Variants in DNAH17 observed in about 807,000 individuals in gnomAD.
The protein encoded by DNAH17 is axonemal beta dynein heavy chain 17.
Under a neutral mutation model 485.6 loss-of-function variants are expected in DNAH17, and 376 were observed. The ratio of observed to expected loss-of-function variants is 0.77; its 90% CI spans 0.71 to 0.84. The LOEUF is 0.84. Ranked by LOEUF, DNAH17 falls within the 40% of genes least tolerant of loss-of-function variation. The pLI, the probability that DNAH17 is intolerant of heterozygous loss-of-function variation, is 0.00. For synonymous variants in DNAH17, 3,031 were observed against 2,405.9 expected, an observed-to-expected ratio of 1.26 and a Z score of -7.60; for missense variants, 6,370 against 5,839.3, an observed-to-expected ratio of 1.09 and a Z score of -2.96.
chr17:78,527,972 T>C (rs968812438), intron 22 of DNAH17, among the ~76,000 whole-genome samples: 1 of 151,844 alleles, frequency 6.6e-6, no homozygotes, highest in Non-Finnish European at 1.5e-5. Context: ...AGAGATGGGA[T>C]TTTGCCATGT....
chr17:78,537,234 C>T (rs899246413), intron 19 of DNAH17, 65 bp downstream of exon 19: 13 of 1,487,732 alleles, frequency 8.7e-6, no homozygotes, highest in Admixed American at 4.3e-5. Context: ...CGAGTTAGGG[C>T]GGCAACACCA....
intron 32 of DNAH17, 85 bp from the exon 33 acceptor site, chr17:78,502,783 GGT>G: frequency 6.3e-7 from 1 of 1,588,268 alleles, no homozygotes; most frequent in Non-Finnish European, 8.6e-7. Flanking sequence ...AAGCTTAGAT[GGT>G]TTTCCAGGGG....
At chr17:78,427,896 G>A (rs1182833994) in intron 77 of DNAH17, among the ~76,000 whole-genome samples, 1 of 151,002 alleles carries the variant, frequency 6.6e-6, no homozygotes, top group African/African-American at 2.4e-5. Flanking sequence ...AACCTGGGAG[G>A]CGGAGGTTGC....
rs564737060 is a variant in DNAH17, at chr17:78,477,024, T to C, written c.7993-291A>G. Among the ~76,000 whole-genome samples, 24 of 152,226 alleles carry C rather than the reference T, an allele frequency of 1.6e-4. 1 individual carries two copies. The highest frequency in any genetic ancestry group is 1.5e-3 in the South Asian group (7 of 4,818). On this transcript the variant is annotated intron_variant, in intron 51 of 80. Coordinates refer to ENST00000389840, the MANE Select transcript of DNAH17 (RefSeq NM_173628.4). ...GTGGAGGAGGGACAAGGGAGGCTAA[T>C]TGCAAAGGAAAGCAGGTGACCGATG... is the stretch of plus-strand genomic sequence containing the variant.
Position 78,429,043 on chromosome 17 carries a change from C to A in DNAH17, c.12405+78G>T, listed in dbSNP as rs942435643. The A allele has an allele frequency of 8.0e-5, 119 of 1,487,670 alleles. 1 individual carries two copies. Among genetic ancestry groups the A allele is most frequent in the Admixed American group, 3.6e-4 (20 of 55,516 alleles). The allele number at this position is 1,487,670 out of a possible 1,614,324, so 92.2% of individuals were successfully genotyped here. ...GGGTTCTTGCTCAATTATTGACACTCCATTTGTGCTGGCAGGCTCTCACCG... is the reference window on the plus strand; with the variant it reads ...GGGTTCTTGCTCAATTATTGACACTACATTTGTGCTGGCAGGCTCTCACCG... On this transcript the variant is annotated intron_variant, in intron 76 of 80. Coordinates refer to ENST00000389840, the MANE Select transcript of DNAH17 (RefSeq NM_173628.4).
At chr17:78,567,456 C>G (rs1343796349) in intron 9 of DNAH17, among the ~76,000 whole-genome samples, 1 of 152,196 alleles carries the variant, frequency 6.6e-6, no homozygotes, top group Non-Finnish European at 1.5e-5. Context: ...TGACCCCAGA[C>G]TGGCCAAACC....
chr17:78,435,989 C>T (rs893207094), intron 74 of DNAH17, among the ~76,000 whole-genome samples: 3 of 152,150 alleles, frequency 2.0e-5, no homozygotes, highest in Non-Finnish European at 1.5e-5. Context: ...AAGGGTGTGT[C>T]CTTTAAAAGC....
rs555069943 is a variant in DNAH17 at position 78,505,557 on chromosome 17, C to T, written c.4804-112G>A. On this transcript the variant is annotated intron_variant, in intron 30 of 80. Transcript: ENST00000389840. ...CATCGTTCTTTTTGGAATATACTCC[C>T]CATCTTTGATCAACGTTGACTAAAC... 3.4e-5 allele frequency: 46 copies of T among 1,358,540 alleles called. No homozygotes were observed. The East Asian group carries it at 1.0e-3, about 31-fold the overall frequency. The allele number at this position is 1,358,540 out of a possible 1,614,324, so 84.2% of individuals were successfully genotyped here. A position where few individuals can be genotyped will look rare whatever the true frequency, so the allele number is the denominator to read the frequency against.
chr17:78,437,907 A>C lies in DNAH17; in HGVS notation c.11806-39T>G, dbSNP rs769347936. 6 of 1,514,680 alleles carry C rather than the reference A, an allele frequency of 4.0e-6. No individual in the cohort carries two copies. In the South Asian group the frequency reaches 7.1e-5, roughly 18 times the overall value. 93.8% of individuals were successfully genotyped at this position (1,514,680 alleles called of 1,614,324 possible). A position where few individuals can be genotyped will look rare whatever the true frequency, so the allele number is the denominator to read the frequency against. On this transcript the variant is annotated intron_variant, in intron 73 of 80. Coordinates refer to ENST00000389840, the MANE Select transcript of DNAH17 (RefSeq NM_173628.4). ...TAGAGGCTGGTTACACACTTTGCCC[A>C]GCTCCTGGCCCACGAGGAGAGACTG...
intron 27 of DNAH17, among the ~76,000 whole-genome samples, chr17:78,510,078 A>G (rs1234884833): frequency 6.6e-6 from 1 of 152,186 alleles, no homozygotes; most frequent in Non-Finnish European, 1.5e-5. Flanking sequence ...GCTACTTGGG[A>G]GGCTGAGGCA....
intron 73 of DNAH17, among the ~76,000 whole-genome samples, 158 bp from the exon 74 acceptor site, chr17:78,438,026 C>A (rs2086909125): frequency 2.6e-5 from 4 of 152,188 alleles, no homozygotes; most frequent in Admixed American, 1.3e-4. Context: ...CACCTGTCCA[C>A]CCTAACCAGG....
chr17:78,451,780 G>C, intron 65 of DNAH17, 107 bp from the exon 66 acceptor site: 4 of 925,832 alleles, frequency 4.3e-6, no homozygotes, highest in Non-Finnish European at 6.5e-6. Flanking sequence ...CCGCCACCTT[G>C]AACCCTCCCT....
Position 78,495,069 on chromosome 17 carries a change from C to T in DNAH17, c.5932G>A (p.Glu1978Lys), listed in dbSNP as rs774926185. ...RPCAMVVPDF[E>K]LICEIMLMAE... ...ATGAGCATGATCTCACATATCAGTTCGAAGTCGGGGACGACCATGGCACAG... is the reference window on the plus strand; with the variant it reads ...ATGAGCATGATCTCACATATCAGTTTGAAGTCGGGGACGACCATGGCACAG... Residue 1978 changes from glutamate (E) to lysine (K), a missense_variant, in exon 39 of 81, where the codon GAA becomes AAA. Glu to Lys is a moderately conservative substitution (Grantham distance 56). Transcript: ENST00000389840. The T allele has an allele frequency of 2.4e-5, 38 of 1,610,170 alleles. No individual in the cohort carries two copies. The East Asian group carries it at 4.0e-4, about 17-fold the overall frequency.
At chr17:78,504,299 A>G (rs1339617652) in intron 31 of DNAH17, among the ~76,000 whole-genome samples, 1 of 152,044 alleles carries the variant, frequency 6.6e-6, no homozygotes, top group African/African-American at 2.4e-5. Context: ...TCCCGACCTC[A>G]GATGATCCGC....
chr17:78,490,802 T>C lies in DNAH17; in HGVS notation c.6715A>G (p.Met2239Val), dbSNP rs1229662194. 10 of 1,604,686 alleles carry C rather than the reference T, an allele frequency of 6.2e-6. No homozygotes were observed. The highest frequency in any genetic ancestry group is 7.7e-6 in the Non-Finnish European group (9 of 1,175,950). ...SNERIPLNRT[M>V]RLVFEISHLR... is the part of the protein sequence containing the mutation. ...TGGCTGATTTCGAACACCAGCCTCA[T>C]GGTGCGGTTCAGGGGGATCCGCTCG... Residue 2239 changes from methionine to valine, a missense_variant, in exon 44 of 81, where the codon ATG (methionine) becomes GTG (valine). Met to Val is a conservative substitution (Grantham distance 21). Coordinates refer to ENST00000389840, the MANE Select transcript of DNAH17 (RefSeq NM_173628.4).
Position 78,501,784 on chromosome 17 carries a change from A to G in DNAH17, c.5280T>C (p.Asp1760=), listed in dbSNP as rs1233459606. 2 of 1,613,940 alleles carry G rather than the reference A, an allele frequency of 1.2e-6. No individual in the cohort carries two copies. The highest frequency in any genetic ancestry group is 2.7e-5 in the African/African-American group (2 of 75,054). ...TGGCCACCACGTCCCGTGCGTGCAC[A>G]TCGATGGTGCAGATGGTCATGATCT... ...RMKIMTICTI[D]VHARDVVAKM... Residue 1760 remains aspartate, a synonymous_variant, in exon 34 of 81, where the codon GAT becomes GAC. Transcript: ENST00000389840.
chr17:78,563,205 T>C (rs1417386547), intron 11 of DNAH17, among the ~76,000 whole-genome samples: 3 of 152,222 alleles, frequency 2.0e-5, no homozygotes. Context: ...AAATTCTGAT[T>C]TCTCCTGGGC....
rs2146594666 is a variant in DNAH17 at position 78,475,374 on chromosome 17, A to G, written c.8415T>C (p.Ser2805=). The G allele has an allele frequency of 1.9e-6, 3 of 1,613,928 alleles. No homozygotes were observed. Among genetic ancestry groups the G allele is most frequent in the Non-Finnish European group, 2.5e-6 (3 of 1,179,878 alleles). The change falls in exon 54 of 81, where the codon AGT becomes AGC. Residue 2805 remains serine (S), a synonymous_variant. Coordinates refer to ENST00000389840, the MANE Select transcript of DNAH17 (RefSeq NM_173628.4). ...GNALLVGVGG[S]GKQSLSRLAA... ...CCAGGCGGGAGAGGCTCTGTTTGCCACTGCCGCCCACCCCCACCAGCAGGG... is the reference window on the plus strand; with the variant it reads ...CCAGGCGGGAGAGGCTCTGTTTGCCGCTGCCGCCCACCCCCACCAGCAGGG...
intron 14 of DNAH17, among the ~76,000 whole-genome samples, chr17:78,557,143 G>A (rs2092041635): frequency 1.3e-5 from 2 of 152,196 alleles, no homozygotes; most frequent in South Asian, 4.1e-4. Flanking sequence ...TTGAACCAAA[G>A]AGCTGAGCAG....
Sources: gnomAD v4.1 joint callset for allele counts (sites outside exome capture counted in the v4.1 genomes callset) on GRCh38, gnomAD v4.1.1 for gene constraint, MANE v1.5 for transcripts, NCBI Gene and HGNC (gene_info 2026-07-23, HGNC 2026-07-21) for gene names.